The following BCAS1 variants were observed in gnomAD, a reference collection of about 807,000 sequenced individuals.
BCAS1 encodes breast carcinoma-amplified sequence 1.
Under a neutral mutation model 65.4 loss-of-function variants are expected in BCAS1, and 46 were observed. The observed-to-expected ratio is 0.70, with a 90% CI of 0.55 to 0.90. The LOEUF (loss-of-function observed/expected upper bound fraction) is 0.90, where lower values mean the gene tolerates loss of function less well. Ranked by LOEUF, BCAS1 falls within the 40% of genes least tolerant of loss-of-function variation. BCAS1 has a pLI of 0.00. For synonymous variants in BCAS1, 298 were observed against 293.5 expected, an observed-to-expected ratio of 1.02 and a Z score of -0.16; for missense variants, 793 against 771.2, an observed-to-expected ratio of 1.03 and a Z score of -0.33.
chr20:54,042,893 C>T (rs290388), intron 3 of BCAS1, among the ~76,000 whole-genome samples: 54,838 of 152,156 alleles, frequency 0.36, 9,918 homozygotes, highest in South Asian at 0.46. Context: ...CAATGAGCAT[C>T]AGCTTTGAAT....
Position 53,965,898 on chromosome 20 carries a change from A to G in BCAS1, c.1485+1008T>C, listed in dbSNP as rs118103979. On this transcript the variant is annotated intron_variant, in intron 10 of 12. Coordinates refer to ENST00000688948, the MANE Select transcript of BCAS1 (RefSeq NM_001366298.2). ...ACTTTAAAAATAAATAATAGTAAGC[A>G]ATAATAGTAACTTCCAGTTAGATGC... is the stretch of plus-strand genomic sequence containing the variant. Among the ~76,000 whole-genome samples the G allele has an allele frequency of 1.3e-3, 191 of 152,334 alleles. 1 individual carries two copies. In the East Asian group the frequency reaches 0.035, roughly 28 times the overall value.
chr20:53,979,869 T>C (rs2299729), intron 8 of BCAS1, among the ~76,000 whole-genome samples: 52,877 of 152,036 alleles, frequency 0.35, 10,146 homozygotes, highest in African/African-American at 0.49. Flanking sequence ...TTTATAAATG[T>C]TGGGAAGAAA....
At chr20:54,020,426 T>G (rs2091531952) in intron 4 of BCAS1, among the ~76,000 whole-genome samples, 1 of 152,228 alleles carries the variant, frequency 6.6e-6, no homozygotes, top group Admixed American at 6.5e-5. Flanking sequence ...AAATGTAGAC[T>G]TGTACTATGA....
intron 8 of BCAS1, among the ~76,000 whole-genome samples, chr20:53,983,817 TTCTC>T (rs1190475906): frequency 2.6e-5 from 4 of 152,192 alleles, no homozygotes; most frequent in East Asian, 3.8e-4. Flanking sequence ...TTCTCCTTCC[TTCTC>T]TCTCTTTCTT....
intron 3 of BCAS1, among the ~76,000 whole-genome samples, chr20:54,054,772 A>G (rs1366026948): frequency 2.0e-5 from 3 of 152,234 alleles, no homozygotes; most frequent in Non-Finnish European, 4.4e-5. Context: ...CGTCATGTGC[A>G]GGTGTTCACA....
At chr20:53,979,376 C>A (rs2090420370) in intron 8 of BCAS1, among the ~76,000 whole-genome samples, 1 of 152,188 alleles carries the variant, frequency 6.6e-6, no homozygotes, top group African/African-American at 2.4e-5. Context: ...AGCTCAGCTA[C>A]TCTCGAACTG....
chr20:54,046,706 A>T (rs2092114746), intron 3 of BCAS1, among the ~76,000 whole-genome samples: 1 of 149,726 alleles, frequency 6.7e-6, no homozygotes, highest in South Asian at 2.2e-4. Context: ...TTAGCCAGAC[A>T]TGGTGGCACG....
intron 7 of BCAS1, among the ~76,000 whole-genome samples, chr20:53,989,646 C>T (rs1256538337): frequency 6.6e-6 from 1 of 152,156 alleles, no homozygotes; most frequent in Non-Finnish European, 1.5e-5. Flanking sequence ...TTCATTCCTG[C>T]CCACCACTCT....
At chr20:54,068,339 A>G (rs554449600) in intron 1 of BCAS1, 1 of 154,538 alleles carries the variant, frequency 6.5e-6, no homozygotes, top group Admixed American at 6.5e-5. Context: ...TGTTAAGTGC[A>G]TGATAATCGC....
intron 10 of BCAS1, 41 bp downstream of exon 10, chr20:53,966,865 T>G (rs201511861): frequency 8.0e-5 from 125 of 1,554,658 alleles, no homozygotes; most frequent in Admixed American, 1.9e-4. Context: ...GAAGCCGCTC[T>G]AGGTATCTTA....
intron 9 of BCAS1, among the ~76,000 whole-genome samples, chr20:53,973,441 A>G (rs73137802): frequency 3.3e-5 from 5 of 152,086 alleles, no homozygotes; most frequent in Non-Finnish European, 7.4e-5. Flanking sequence ...ATTCCTGTTT[A>G]TATTTCTATT....
chr20:53,994,754 A>ATAT (rs1414970584), intron 6 of BCAS1, among the ~76,000 whole-genome samples: 2 of 152,090 alleles, frequency 1.3e-5, no homozygotes, highest in Non-Finnish European at 2.9e-5. Context: ...TGGTATTGTG[A>ATAT]TATTATTTAG....
In BCAS1 at chr20:54,059,501, TC is replaced by T. The variant is rs1238581093; in HGVS notation, c.-5-779del. Among the ~76,000 whole-genome samples, 6 of 152,112 alleles carry T rather than the reference TC, an allele frequency of 3.9e-5. No homozygotes were observed. The East Asian group carries it at 1.2e-3, about 29-fold the overall frequency. ...CTTTTACACTACGGCCTTTTTTTTT[TC>T]ATAGCATTTAGCAGGGCTTGTAATT... On this transcript the variant is annotated intron_variant, in intron 1 of 12. Coordinates refer to ENST00000688948, the MANE Select transcript of BCAS1 (RefSeq NM_001366298.2).
intron 4 of BCAS1, among the ~76,000 whole-genome samples, chr20:53,997,898 C>A (rs923318602): frequency 6.6e-6 from 1 of 152,160 alleles, no homozygotes; most frequent in African/African-American, 2.4e-5. Context: ...TCTTCGCCCT[C>A]CCTTTCATCC....
At chr20:54,022,034 T>A (rs2091570920) in intron 4 of BCAS1, among the ~76,000 whole-genome samples, 1 of 152,150 alleles carries the variant, frequency 6.6e-6, no homozygotes, top group Non-Finnish European at 1.5e-5. Context: ...ACCTTTAATG[T>A]GTAAAAATGC....
In BCAS1 at chr20:53,953,631, T is replaced by C. The variant is rs752567024; in HGVS notation, c.1616A>G (p.Lys539Arg). The C allele has an allele frequency of 1.9e-6, 3 of 1,613,912 alleles. No individual in the cohort carries two copies. Among genetic ancestry groups the C allele is most frequent in the Non-Finnish European group, 2.5e-6 (3 of 1,179,996 alleles). Reference protein sequence around the residue: ...PEPEPTGAPQKGKEGSSKDKK... With the variant: ...PEPEPTGAPQRGKEGSSKDKK... The stretch of plus-strand genomic sequence containing the variant: ...GTCCTTCGAGGAGCCCTCTTTACCC[T>C]TCTGTGGTGCTCCTGTTGGTTCAGG... The change falls in exon 12 of 13, where the codon AAG (lysine) becomes AGG (arginine). Residue 539 changes from lysine (K) to arginine (R), a missense_variant. Lys to Arg is a conservative substitution (Grantham distance 26). Transcript: ENST00000688948.
rs746248229 is a variant in BCAS1, at chr20:54,039,224, G to T, written c.143-10252C>A. On this transcript the variant is annotated intron_variant, in intron 3 of 12. Coordinates refer to ENST00000688948, the MANE Select transcript of BCAS1 (RefSeq NM_001366298.2). The stretch of plus-strand genomic sequence containing the variant: ...GGCAGATACTTATGACTTGGAGGAA[G>T]ACGTTAGATTAGATTTGAAACTTTC... 1.1e-4 allele frequency among the ~76,000 whole-genome samples: 16 copies of T among 151,488 alleles called. 1 individual carries two copies. The highest frequency in any genetic ancestry group is 2.4e-4 in the Non-Finnish European group (16 of 67,666).
chr20:54,003,749 T>TA (rs1222090343), intron 4 of BCAS1, among the ~76,000 whole-genome samples: 2 of 152,258 alleles, frequency 1.3e-5, no homozygotes. Context: ...TGAAGCTTCA[T>TA]AAAACTAAAA....
chr20:53,978,706 G>A (rs564868045), intron 8 of BCAS1, among the ~76,000 whole-genome samples: 3 of 152,296 alleles, frequency 2.0e-5, no homozygotes, highest in East Asian at 3.9e-4. Context: ...CCTTCTGTTA[G>A]TGGTTGTTGA....
Sources: gnomAD v4.1 joint callset for allele counts (sites outside exome capture counted in the v4.1 genomes callset) on GRCh38, gnomAD v4.1.1 for gene constraint, MANE v1.5 for transcripts, NCBI Gene and HGNC (gene_info 2026-07-23, HGNC 2026-07-21) for gene names.